ITSN2: variants seen among roughly 807,000 people sequenced by gnomAD.
ITSN2 encodes the protein intersectin-2.
A neutral mutation model predicts 243.7 loss-of-function variants in ITSN2; 156 were observed. The ratio of observed to expected loss-of-function variants is 0.64; its 90% CI spans 0.56 to 0.73. The LOEUF is 0.73. Ranked by LOEUF, ITSN2 falls within the 30% of genes least tolerant of loss-of-function variation. The probability of loss-of-function intolerance (pLI) is 0.00; values close to 1 mark genes in which losing one functional copy is unlikely to be tolerated. For synonymous variants in ITSN2, 703 were observed against 699.9 expected, an observed-to-expected ratio of 1.00 and a Z score of -0.07; for missense variants, 1,801 against 1,996.1, an observed-to-expected ratio of 0.90 and a Z score of 1.86.
At chr2:24,330,764 C>A in intron 1 of ITSN2, 7 of 489,670 alleles carry the variant, frequency 1.4e-5, no homozygotes, top group Non-Finnish European at 2.2e-5. Context: ...TGCAGAATTT[C>A]ATTTTACTTT....
chr2:24,251,330 T>TAGAAAAAAAA (rs1272652352), intron 25 of ITSN2, among the ~76,000 whole-genome samples: 1 of 1,288 alleles, frequency 7.8e-4, no homozygotes, highest in Non-Finnish European at 1.4e-3. Flanking sequence ...AAAAATAAAA[T>TAGAAAAAAAA]ATATATATAT....
rs1284219585 is a variant in ITSN2, at chr2:24,204,752, A to G, written c.4763-334T>C. ...GGCGGGCACTGGCACTTACTGGGAA[A>G]ACAGTGATAAGAATATTGGTCCAAT... is the stretch of plus-strand genomic sequence containing the variant. On this transcript the variant is annotated intron_variant, in intron 38 of 39. Coordinates refer to ENST00000355123, the MANE Select transcript of ITSN2 (RefSeq NM_006277.3). The surrounding 1 kb of genome is among the most constrained non-coding windows in gnomAD (Gnocchi z 5.1). The G allele has an allele frequency of 2.0e-6, 1 of 508,898 alleles. No individual in the cohort carries two copies. Among genetic ancestry groups the G allele is most frequent in the Non-Finnish European group, 3.8e-6 (1 of 261,882 alleles). 31.5% of individuals were successfully genotyped at this position (508,898 alleles called of 1,614,324 possible). A position where few individuals can be genotyped will look rare whatever the true frequency, so the allele number is the denominator to read the frequency against.
intron 20 of ITSN2, 84 bp from the exon 21 acceptor site, chr2:24,261,826 TC>T: frequency 9.8e-7 from 1 of 1,022,968 alleles, no homozygotes; most frequent in Non-Finnish European, 1.4e-6. Flanking sequence ...TGTATAGTAT[TC>T]TCATTTTCAG....
chr2:24,299,367 T>C (rs11898668), intron 12 of ITSN2, among the ~76,000 whole-genome samples: 178 of 152,296 alleles, frequency 1.2e-3, no homozygotes, highest in African/African-American at 4.1e-3. Flanking sequence ...AAAAATTCTA[T>C]TTATATTATT....
chr2:24,215,392 C>A (rs984145823), intron 32 of ITSN2, among the ~76,000 whole-genome samples: 6 of 152,100 alleles, frequency 3.9e-5, no homozygotes, highest in Non-Finnish European at 8.8e-5. Context: ...TAGGGCCGGG[C>A]ACGGTGGCTT....
At chr2:24,230,650 C>A (rs1378990420) in intron 29 of ITSN2, among the ~76,000 whole-genome samples, 1 of 152,050 alleles carries the variant, frequency 6.6e-6, no homozygotes, top group African/African-American at 2.4e-5. Flanking sequence ...CACTTGTAAT[C>A]CCATCTACTT....
chr2:24,254,519 A>T, intron 23 of ITSN2, 88 bp from the exon 24 acceptor site: 1 of 1,008,566 alleles, frequency 9.9e-7, no homozygotes, highest in Non-Finnish European at 1.5e-6. Context: ...AGGTTTTAGT[A>T]GTGCATTTTT....
At chr2:24,217,828 C>T (rs1037924859) in intron 31 of ITSN2, 79 bp downstream of exon 31, 1 of 864,338 alleles carries the variant, frequency 1.2e-6, no homozygotes, top group Non-Finnish European at 1.9e-6. Flanking sequence ...GCTAAGAAGC[C>T]CTTGCAGAGG....
intron 1 of ITSN2, among the ~76,000 whole-genome samples, chr2:24,353,148 GA>G (rs1185854625): frequency 6.6e-6 from 1 of 152,022 alleles, no homozygotes; most frequent in Admixed American, 6.6e-5. Context: ...GGTAAATGGG[GA>G]AAAATCACAA....
At chr2:24,277,125 G>A (rs960250922) in intron 17 of ITSN2, among the ~76,000 whole-genome samples, 1 of 151,968 alleles carries the variant, frequency 6.6e-6, no homozygotes, top group Non-Finnish European at 1.5e-5. Flanking sequence ...TTTTGAACTA[G>A]ATTTCTTTCA....
chr2:24,277,874 T>C (rs911512843), intron 17 of ITSN2, among the ~76,000 whole-genome samples: 2 of 152,160 alleles, frequency 1.3e-5, no homozygotes, highest in African/African-American at 4.8e-5. Context: ...AATCTCATAA[T>C]GTTTTAAGAA....
chr2:24,204,747 G>A lies in ITSN2; in HGVS notation c.4763-329C>T. ...GGGAAGGCGGGCACTGGCACTTACT[G>A]GGAAAACAGTGATAAGAATATTGGT... On this transcript the variant is annotated intron_variant, in intron 38 of 39. Transcript: ENST00000355123. The surrounding 1 kb of genome is among the most constrained non-coding windows in gnomAD (Gnocchi z 5.1). 1.9e-6 allele frequency: 1 copy of A among 516,488 alleles called. No homozygotes were observed. The highest frequency in any genetic ancestry group is 3.7e-6 in the Non-Finnish European group (1 of 266,802). The allele number at this position is 516,488 out of a possible 1,614,324, so 32.0% of individuals were successfully genotyped here. A position where few individuals can be genotyped will look rare whatever the true frequency, so the allele number is the denominator to read the frequency against.
chr2:24,284,929 ACT>A, intron 16 of ITSN2, 86 bp from the exon 17 acceptor site: 1 of 648,102 alleles, frequency 1.5e-6, no homozygotes, highest in Non-Finnish European at 2.5e-6. Context: ...ATGGAGTCTC[ACT>A]CTGTCGCCAG....
chr2:24,258,164 A>G, intron 22 of ITSN2, 71 bp from the exon 23 acceptor site: 6 of 1,117,046 alleles, frequency 5.4e-6, no homozygotes, highest in Non-Finnish European at 8.0e-6. Flanking sequence ...TGTGTATATA[A>G]CATACTTACT....
chr2:24,271,699 G>T, intron 19 of ITSN2, 67 bp downstream of exon 19: 7 of 1,418,228 alleles, frequency 4.9e-6, no homozygotes, highest in Middle Eastern at 2.7e-4. Flanking sequence ...CCCTTTTTTT[G>T]TCTCTTATCA....
At chr2:24,334,936 G>A (rs980221275) in intron 1 of ITSN2, among the ~76,000 whole-genome samples, 1 of 151,208 alleles carries the variant, frequency 6.6e-6, no homozygotes, top group African/African-American at 2.4e-5. Context: ...GGTAGCGGGC[G>A]CCTGTAGTCC....
intron 13 of ITSN2, among the ~76,000 whole-genome samples, chr2:24,296,486 G>A (rs777691306): frequency 4.5e-4 from 69 of 152,096 alleles, no homozygotes; most frequent in Non-Finnish European, 4.7e-4. Context: ...GTTAAACAAA[G>A]TCATACAGGT....
intron 10 of ITSN2, among the ~76,000 whole-genome samples, chr2:24,301,486 T>C (rs1475996584): frequency 1.3e-5 from 2 of 152,126 alleles, no homozygotes; most frequent in East Asian, 1.9e-4. Context: ...CTTTAGTCAT[T>C]AGCCTCCTTA....
At chr2:24,209,286 C>G in intron 35 of ITSN2, 65 bp from the exon 36 acceptor site, 1 of 1,594,884 alleles carries the variant, frequency 6.3e-7, no homozygotes, top group Non-Finnish European at 8.6e-7. Flanking sequence ...CGCCTATGTC[C>G]AGAGAGAGTT....
Sources: allele counts gnomAD v4.1 joint callset (sites outside exome capture counted in the v4.1 genomes callset), GRCh38; gene constraint gnomAD v4.1.1; non-coding constraint Gnocchi (gnomAD v3.1); transcripts MANE v1.5; gene names NCBI Gene and HGNC (gene_info 2026-07-23, HGNC 2026-07-21).